MYOZ3: variants seen among roughly 807,000 people sequenced by gnomAD.
MYOZ3 encodes the protein myozenin 3, also known as myozenin-3.
Under a neutral mutation model 26.5 loss-of-function variants are expected in MYOZ3, and 19 were observed. The ratio of observed to expected loss-of-function variants is 0.72; its 90% CI spans 0.50 to 1.05. The LOEUF (loss-of-function observed/expected upper bound fraction) is 1.05. MYOZ3 is among the 50% of genes least tolerant of loss of function. MYOZ3 has a pLI of 0.00. For synonymous variants in MYOZ3, 135 were observed against 138.8 expected (o/e 0.97, Z 0.19); for missense variants, 322 against 337.1 (o/e 0.96, Z 0.35).
chr5:150,665,979 G>A (rs1349763943), intron 2 of MYOZ3, among the ~76,000 whole-genome samples: 1 of 149,898 alleles, frequency 6.7e-6, no homozygotes, highest in Non-Finnish European at 1.5e-5. Context: ...AGGTTGCAGT[G>A]AGCCGAGATC....
Position 150,677,007 on chromosome 5 carries a change from C to A in MYOZ3, c.*132C>A. The A allele has an allele frequency of 1.2e-6, 1 of 864,592 alleles. No homozygotes were observed. Among genetic ancestry groups the A allele is most frequent in the South Asian group, 1.8e-5 (1 of 56,788 alleles). The allele number at this position is 864,592 out of a possible 1,614,324, so 53.6% of individuals were successfully genotyped here. A position where few individuals can be genotyped will look rare whatever the true frequency, so the allele number is the denominator to read the frequency against. On this transcript the variant is annotated 3_prime_UTR_variant, in exon 7 of 7. Coordinates refer to ENST00000517768, the MANE Select transcript of MYOZ3 (RefSeq NM_001122853.3). The stretch of plus-strand genomic sequence containing the variant: ...CCTGATTGCAAATGGCTTCAGAGGT[C>A]ACCAAGTTCAGTCGTCCCAAAACAT...
At position 150,677,838 on chromosome 5, in the gene MYOZ3, T is replaced by G. The variant is rs998481292; in HGVS notation, c.*963T>G. 5 of 152,022 alleles carry G rather than the reference T, an allele frequency of 3.3e-5. No homozygotes were observed. The highest frequency in any genetic ancestry group is 7.4e-5 in the Non-Finnish European group (5 of 68,024). The allele number at this position is 152,022 out of a possible 1,614,324, so 9.4% of individuals were successfully genotyped here. On this transcript the variant is annotated 3_prime_UTR_variant, in exon 7 of 7. Coordinates refer to ENST00000517768, the MANE Select transcript of MYOZ3 (RefSeq NM_001122853.3). ...GAGCAGAAGAAGGAGTCCCTCACCC[T>G]AGGTGTGAGATGGGATTCTGGAAGC... is the stretch of plus-strand genomic sequence containing the variant.
At position 150,671,800 on chromosome 5, in the gene MYOZ3, C is replaced by G. The variant is rs1333207547; in HGVS notation, c.316C>G (p.Leu106Val). Residue 106 changes from leucine (L) to valine (V), a missense_variant, in exon 5 of 7, where the codon CTC becomes GTC. By Grantham distance (32) the Leu-to-Val change is conservative (BLOSUM62 1). Coordinates refer to ENST00000517768, the MANE Select transcript of MYOZ3 (RefSeq NM_001122853.3). ...TGAGGGGCCGAACTACCGCTCGGAG[C>G]TCCACATCTTCCCGGCCTCACCCGG... ...GPEGPNYRSE[L>V]HIFPASPGAS... The G allele has an allele frequency of 6.2e-7, 1 of 1,612,900 alleles. No individual in the cohort carries two copies. The highest frequency in any genetic ancestry group is 1.3e-5 in the African/African-American group (1 of 74,942).
At chr5:150,670,752 G>A in intron 3 of MYOZ3, 114 bp downstream of exon 3, 1 of 1,013,122 alleles carries the variant, frequency 9.9e-7, no homozygotes, top group Non-Finnish European at 1.4e-6. Flanking sequence ...CATCAGATTA[G>A]GCTCCTGCCT....
chr5:150,668,654 T>C (rs1192922016), intron 2 of MYOZ3, among the ~76,000 whole-genome samples: 1 of 152,270 alleles, frequency 6.6e-6, no homozygotes, highest in Non-Finnish European at 1.5e-5. Flanking sequence ...CAGGCCGTGC[T>C]GCCCACACAG....
chr5:150,672,471 C>G lies in MYOZ3; in HGVS notation c.556C>G (p.Pro186Ala). The change falls in exon 6 of 7, where the codon CCC becomes GCC. Residue 186 changes from proline to alanine, a missense_variant. By Grantham distance (27) the Pro-to-Ala change is conservative. Transcript: ENST00000517768. ...DYQSDGRSHT[P>A]SPNDYRNFNK... ...CCAGAGCGATGGCCGAAGTCACACC[C>G]CCAGCCCCAACGACTACCGAAATTT... is the stretch of plus-strand genomic sequence containing the variant. 6.3e-7 allele frequency: 1 copy of G among 1,590,580 alleles called. No homozygotes were observed. The highest frequency in any genetic ancestry group is 8.6e-7 in the Non-Finnish European group (1 of 1,166,130).
Position 150,670,567 on chromosome 5 carries a change from T to C in MYOZ3, c.145T>C (p.Ser49Pro). ...EELSLRNNRG[S>P]LLFQKRQRRV... ...GCTGTCACTACGCAACAACAGAGGG[T>C]CCCTCCTCTTCCAGAAGAGGCAGCG... The change falls in exon 3 of 7, where the codon TCC becomes CCC. Residue 49 changes from serine (S) to proline (P), a missense_variant. Ser to Pro is a moderately conservative substitution (Grantham distance 74, BLOSUM62 -1). Coordinates refer to ENST00000517768, the MANE Select transcript of MYOZ3 (RefSeq NM_001122853.3). 6.2e-7 allele frequency: 1 copy of C among 1,612,734 alleles called. No individual in the cohort carries two copies. The highest frequency in any genetic ancestry group is 8.5e-7 in the Non-Finnish European group (1 of 1,179,534).
At chr5:150,670,917 C>T (rs1241282372) in intron 3 of MYOZ3, 1 of 216,358 alleles carries the variant, frequency 4.6e-6, no homozygotes, top group Non-Finnish European at 8.0e-6. Flanking sequence ...AAAGCTAAGA[C>T]AGGCATGCAC....
intron 2 of MYOZ3, among the ~76,000 whole-genome samples, chr5:150,665,334 G>T (rs918155783): frequency 2.0e-4 from 30 of 152,158 alleles, no homozygotes; most frequent in African/African-American, 7.2e-4. Flanking sequence ...TTGCTCCACA[G>T]AATTCATCCC....
intron 6 of MYOZ3, among the ~76,000 whole-genome samples, chr5:150,674,507 G>A (rs1289575909): frequency 6.6e-6 from 1 of 152,204 alleles, no homozygotes; most frequent in Non-Finnish European, 1.5e-5. Context: ...GGCCTTGCAT[G>A]GCTTGGACAC....
chr5:150,662,115 GA>G (rs1758743215), intron 1 of MYOZ3, among the ~76,000 whole-genome samples: 1 of 152,316 alleles, frequency 6.6e-6, no homozygotes, highest in Non-Finnish European at 1.5e-5. Context: ...TTTTCTAAAG[GA>G]AGGAGTATAG....
intron 2 of MYOZ3, chr5:150,669,872 C>T (rs1468163472): frequency 6.6e-6 from 1 of 152,072 alleles, no homozygotes; most frequent in East Asian, 1.9e-4. Flanking sequence ...GTCTCGAACC[C>T]TTGACCTCAG....
intron 2 of MYOZ3, among the ~76,000 whole-genome samples, chr5:150,665,030 T>G (rs966080760): frequency 1.3e-5 from 2 of 152,086 alleles, no homozygotes; most frequent in Non-Finnish European, 2.9e-5. Context: ...TTTTTTTTTT[T>G]TCATTTAGCA....
At chr5:150,670,767 G>A in intron 3 of MYOZ3, 129 bp downstream of exon 3, 1 of 829,430 alleles carries the variant, frequency 1.2e-6, no homozygotes, top group Non-Finnish European at 1.8e-6. Context: ...CTGCCTTTCA[G>A]TGTGATCCTT....
chr5:150,675,032 C>CA (rs767333072), intron 6 of MYOZ3, among the ~76,000 whole-genome samples: 16 of 151,840 alleles, frequency 1.1e-4, no homozygotes, highest in Non-Finnish European at 2.1e-4. Flanking sequence ...AACAAAACAA[C>CA]AAAAAAAAGT....
At position 150,672,319 on chromosome 5, in the gene MYOZ3, C is replaced by T. The variant is rs774159041; in HGVS notation, c.425-21C>T. 7 of 1,579,452 alleles carry T rather than the reference C, an allele frequency of 4.4e-6. No individual in the cohort carries two copies. The African/African-American group carries it at 8.1e-5, about 18-fold the overall frequency. The stretch of plus-strand genomic sequence containing the variant: ...CTGAGGGTGGAAGAACGGAGGCGCT[C>T]CCTTCCCCCCGCGCCCCTAGGCTAT... On this transcript the variant is annotated intron_variant, in intron 5 of 6. Coordinates refer to ENST00000517768, the MANE Select transcript of MYOZ3 (RefSeq NM_001122853.3).
chr5:150,673,468 G>A (rs1758956925), intron 6 of MYOZ3, among the ~76,000 whole-genome samples: 1 of 152,102 alleles, frequency 6.6e-6, no homozygotes, highest in Non-Finnish European at 1.5e-5. Flanking sequence ...AGCCTCCCTA[G>A]TAGCTGGGAT....
At chr5:150,663,670 G>A (rs988863675) in intron 2 of MYOZ3, among the ~76,000 whole-genome samples, 1 of 152,058 alleles carries the variant, frequency 6.6e-6, no homozygotes, top group Non-Finnish European at 1.5e-5. Context: ...TGTTTATTTG[G>A]TCTACTTTAG....
At position 150,670,473 on chromosome 5, in the gene MYOZ3, T is replaced by C; in HGVS notation, c.62-11T>C. 2 of 1,603,464 alleles carry C rather than the reference T, an allele frequency of 1.2e-6. No homozygotes were observed. The highest frequency in any genetic ancestry group is 2.2e-5 in the South Asian group (2 of 90,290). On this transcript the variant is annotated splice_polypyrimidine_tract_variant and intron_variant, in intron 2 of 6. Coordinates refer to ENST00000517768, the MANE Select transcript of MYOZ3 (RefSeq NM_001122853.3). ...GGGGTGGTGAGAGCCCGCTCTGGCC[T>C]TTCCTGGCAGTCCCTACGCTGGACC...
Sources: allele counts gnomAD v4.1 joint callset (sites outside exome capture counted in the v4.1 genomes callset), GRCh38; gene constraint gnomAD v4.1.1; transcripts MANE v1.5; gene names NCBI Gene and HGNC (gene_info 2026-07-23, HGNC 2026-07-21).